TCF12: variants seen among roughly 807,000 people sequenced by gnomAD.
The protein encoded by TCF12 is transcription factor 12.
TCF12 carries 45 observed loss-of-function variants against 86.0 expected under a neutral mutation model. The observed-to-expected ratio is 0.52, with a 90% CI of 0.41 to 0.67. The LOEUF (loss-of-function observed/expected upper bound fraction) is 0.67, where lower values mean the gene tolerates loss of function less well. TCF12 is among the 30% of genes least tolerant of loss of function. The pLI, the probability that TCF12 is intolerant of heterozygous loss-of-function variation, is 0.00. For synonymous variants in TCF12, 330 were observed against 299.6 expected, an observed-to-expected ratio of 1.10 and a Z score of -1.05; for missense variants, 881 against 859.9, an observed-to-expected ratio of 1.02 and a Z score of -0.31.
At chr15:57,110,958 T>C (rs1404996511) in intron 5 of TCF12, among the ~76,000 whole-genome samples, 2 of 152,178 alleles carry the variant, frequency 1.3e-5, no homozygotes, top group African/African-American at 2.4e-5. Flanking sequence ...TGGGCTAAAA[T>C]GGGTCAGTGG....
At chr15:57,267,648 T>C (rs1181093270) in intron 18 of TCF12, among the ~76,000 whole-genome samples, 1 of 152,166 alleles carries the variant, frequency 6.6e-6, no homozygotes, top group Non-Finnish European at 1.5e-5. Context: ...GGTATCGCTG[T>C]TCCAATAAAA....
chr15:56,946,886 C>G (rs1021121835), intron 3 of TCF12, among the ~76,000 whole-genome samples: 6 of 146,530 alleles, frequency 4.1e-5, no homozygotes, highest in Non-Finnish European at 8.9e-5. Flanking sequence ...CAACCTCTCT[C>G]TCCTGAGTTC....
intron 4 of TCF12, among the ~76,000 whole-genome samples, chr15:57,067,274 C>T (rs1010842143): frequency 2.0e-5 from 3 of 152,140 alleles, no homozygotes; most frequent in Admixed American, 6.5e-5. Context: ...GGCGCGGTGG[C>T]TCACGCCTGT....
intron 4 of TCF12, among the ~76,000 whole-genome samples, chr15:57,090,219 A>G (rs2048905243): frequency 6.6e-6 from 1 of 151,580 alleles, no homozygotes; most frequent in South Asian, 2.1e-4. Flanking sequence ...CCTGTCTCCA[A>G]AACAAAAACA....
At chr15:57,233,751 A>G (rs1395572533) in intron 11 of TCF12, among the ~76,000 whole-genome samples, 2 of 152,180 alleles carry the variant, frequency 1.3e-5, no homozygotes, top group Non-Finnish European at 2.9e-5. Context: ...TGCTGGGATT[A>G]CAGGCATGAG....
chr15:57,195,386 C>T (rs2057206127), intron 7 of TCF12, among the ~76,000 whole-genome samples: 1 of 152,142 alleles, frequency 6.6e-6, no homozygotes, highest in African/African-American at 2.4e-5. Context: ...TAATAATGAC[C>T]TCTAAGTAGA....
rs1278923146 is a variant in TCF12 at position 56,973,229 on chromosome 15, TG to T, written c.148+52132del. On this transcript the variant is annotated intron_variant, in intron 3 of 20. Coordinates refer to ENST00000333725, the MANE Select transcript of TCF12 (RefSeq NM_207037.2). ...TCAAAATAGTTATAGATGAGACAGG[TG>T]TGTACATATATGAATGTGTATGTAT... Among the ~76,000 whole-genome samples, 6 of 152,162 alleles carry T rather than the reference TG, an allele frequency of 3.9e-5. No individual in the cohort carries two copies. The East Asian group carries it at 1.2e-3, about 29-fold the overall frequency.
chr15:57,175,718 A>G (rs1349253264), intron 6 of TCF12, among the ~76,000 whole-genome samples: 3 of 152,224 alleles, frequency 2.0e-5, no homozygotes, highest in Non-Finnish European at 4.4e-5. Context: ...CAGAACAGGC[A>G]TAAGTAAACC....
intron 3 of TCF12, among the ~76,000 whole-genome samples, chr15:57,046,394 A>G (rs1215895204): frequency 6.6e-6 from 1 of 152,168 alleles, no homozygotes; most frequent in Non-Finnish European, 1.5e-5. Flanking sequence ...GAAATTGGGT[A>G]TGGAAGGACA....
At chr15:57,170,805 AT>A (rs58751405) in intron 6 of TCF12, among the ~76,000 whole-genome samples, 11,830 of 50,714 alleles carry the variant, frequency 0.23, 1,964 homozygotes, top group African/African-American at 0.55. Flanking sequence ...TATATATATA[AT>A]TTTTTTTTTT....
rs534192643 is a variant in TCF12 at position 57,066,978 on chromosome 15, A to G, written c.222+3155A>G. On this transcript the variant is annotated intron_variant, in intron 4 of 20. Transcript: ENST00000333725. ...ATACCATTCTACTATAGTAGCCTTG[A>G]TGCATAAATGAGCTCCACCTGAGTT... Among the ~76,000 whole-genome samples, 3 of 152,266 alleles carry G rather than the reference A, an allele frequency of 2.0e-5. No individual in the cohort carries two copies. The East Asian group carries it at 5.8e-4, about 29-fold the overall frequency.
chr15:57,152,694 A>G (rs1054192573), intron 5 of TCF12, among the ~76,000 whole-genome samples: 1 of 152,212 alleles, frequency 6.6e-6, no homozygotes, highest in African/African-American at 2.4e-5. Context: ...GAGCTGCAGG[A>G]CAGTATCAGT....
chr15:56,962,392 A>G lies in TCF12; in HGVS notation c.148+41294A>G, dbSNP rs555271167. ...CCTTTATTAGATAAAAGTCTACTAT[A>G]ACTTTTTTTTGTTCTTAGTCGCCTT... On this transcript the variant is annotated intron_variant, in intron 3 of 20. Transcript: ENST00000333725. Among the ~76,000 whole-genome samples, 37 of 152,286 alleles carry G rather than the reference A, an allele frequency of 2.4e-4. No individual in the cohort carries two copies. The East Asian group carries it at 7.1e-3, about 29-fold the overall frequency.
At position 57,207,992 on chromosome 15, in the gene TCF12, G is replaced by T. The variant is rs142703781; in HGVS notation, c.579+10167G>T. Among the ~76,000 whole-genome samples the T allele has an allele frequency of 3.6e-3, 544 of 150,404 alleles. 2 individuals are homozygous for T. The highest frequency in any genetic ancestry group is 0.013 in the African/African-American group (526 of 41,052). On this transcript the variant is annotated intron_variant, in intron 8 of 20. Coordinates refer to ENST00000333725, the MANE Select transcript of TCF12 (RefSeq NM_207037.2). ...ATGAAGAACTATTTTAGACTTTAGG[G>T]ATTTAAATATGAATAAAATATGGAC...
At chr15:56,928,002 G>T (rs1344498140) in intron 3 of TCF12, among the ~76,000 whole-genome samples, 1 of 152,134 alleles carries the variant, frequency 6.6e-6, no homozygotes, top group Non-Finnish European at 1.5e-5. Flanking sequence ...AAATGGAGTG[G>T]AGTCTAATTG....
chr15:56,956,420 A>G (rs2061507133), intron 3 of TCF12, among the ~76,000 whole-genome samples: 1 of 151,846 alleles, frequency 6.6e-6, no homozygotes, highest in Non-Finnish European at 1.5e-5. Context: ...TTCAATTTTT[A>G]TCAGTGGACT....
intron 3 of TCF12, among the ~76,000 whole-genome samples, chr15:57,042,791 GTCT>G (rs1174809786): frequency 6.6e-6 from 1 of 151,870 alleles, no homozygotes; most frequent in Non-Finnish European, 1.5e-5. Flanking sequence ...AATGAGATCT[GTCT>G]TCTTAACAAA....
intron 5 of TCF12, 94 bp downstream of exon 5, chr15:57,091,985 T>A: frequency 2.0e-6 from 2 of 997,860 alleles, no homozygotes; most frequent in Non-Finnish European, 3.0e-6. Context: ...GGTAAGTATC[T>A]AGAAGAAAGT....
At chr15:57,006,762 C>CA (rs71113051) in intron 3 of TCF12, among the ~76,000 whole-genome samples, 90,551 of 151,322 alleles carry the variant, frequency 0.6, 30,726 homozygotes, top group Non-Finnish European at 0.77. Flanking sequence ...ACCAAAAATA[C>CA]AAAAATGAGC....
Sources: allele counts gnomAD v4.1 joint callset (sites outside exome capture counted in the v4.1 genomes callset), GRCh38; gene constraint gnomAD v4.1.1; transcripts MANE v1.5; gene names NCBI Gene and HGNC (gene_info 2026-07-23, HGNC 2026-07-21).